Variants in NUDT3 observed in about 807,000 individuals in gnomAD.
NUDT3 encodes the protein nudix hydrolase 3.
Under a neutral mutation model 23.6 loss-of-function variants are expected in NUDT3, and 9 were observed. That is an observed-to-expected ratio of 0.38 (90% CI 0.23 to 0.66). NUDT3 has a LOEUF of 0.66. Ranked by LOEUF, NUDT3 falls within the 30% of genes least tolerant of loss-of-function variation. The probability of loss-of-function intolerance (pLI) is 0.52; values close to 1 mark genes in which losing one functional copy is unlikely to be tolerated. For missense variants in NUDT3, 172 were observed against 218.5 expected (o/e 0.79, Z 1.34); for synonymous variants, 86 against 82.6 (o/e 1.04, Z -0.22).
At chr6:34,330,049 T>A (rs146006561) in intron 2 of NUDT3, among the ~76,000 whole-genome samples, 1 of 152,260 alleles carries the variant, frequency 6.6e-6, no homozygotes, top group Non-Finnish European at 1.5e-5. Context: ...CAGTCTATCA[T>A]TGACGGACAT....
chr6:34,354,906 T>C (rs566461392), intron 1 of NUDT3, among the ~76,000 whole-genome samples: 1 of 151,606 alleles, frequency 6.6e-6, no homozygotes, highest in African/African-American at 2.4e-5. Context: ...TATTTGTTCA[T>C]TTGTTCTAGT....
At chr6:34,302,573 A>C (rs1175510120) in intron 2 of NUDT3, among the ~76,000 whole-genome samples, 2 of 152,126 alleles carry the variant, frequency 1.3e-5, no homozygotes, top group Non-Finnish European at 2.9e-5. Flanking sequence ...CTCTACTAAA[A>C]TACAAAAAAT....
intron 1 of NUDT3, among the ~76,000 whole-genome samples, chr6:34,389,318 T>C (rs1206969128): frequency 6.6e-6 from 1 of 152,254 alleles, no homozygotes; most frequent in Non-Finnish European, 1.5e-5. Flanking sequence ...TCTCTCCTGC[T>C]GCCTTGTGAA....
At chr6:34,292,077 C>T (rs928991564) in intron 4 of NUDT3, among the ~76,000 whole-genome samples, 1 of 152,162 alleles carries the variant, frequency 6.6e-6, no homozygotes, top group African/African-American at 2.4e-5. Flanking sequence ...ATTAGTATCA[C>T]AAGTGTATGA....
intron 2 of NUDT3, among the ~76,000 whole-genome samples, chr6:34,326,121 T>C (rs1041257643): frequency 2.0e-5 from 3 of 150,938 alleles, no homozygotes; most frequent in Non-Finnish European, 4.4e-5. Context: ...AAAAATTAAA[T>C]AATGGAAGTT....
At chr6:34,337,623 T>C (rs1764228935) in intron 2 of NUDT3, among the ~76,000 whole-genome samples, 2 of 152,198 alleles carry the variant, frequency 1.3e-5, no homozygotes, top group African/African-American at 4.8e-5. Context: ...GTTTTCTATA[T>C]CTTAGCTGCA....
intron 1 of NUDT3, 35 bp downstream of exon 1, chr6:34,392,229 C>G (rs1028425265): frequency 1.3e-6 from 2 of 1,520,358 alleles, no homozygotes; most frequent in Admixed American, 3.9e-5. Flanking sequence ...GGCCGGAGAC[C>G]CGGCGACCCC....
At chr6:34,294,486 G>A (rs1763469597) in intron 3 of NUDT3, among the ~76,000 whole-genome samples, 1 of 151,890 alleles carries the variant, frequency 6.6e-6, no homozygotes, top group South Asian at 2.1e-4. Flanking sequence ...CAGCACTATG[G>A]GAGGCCAAGG....
chr6:34,360,693 A>C (rs1311510259), intron 1 of NUDT3, among the ~76,000 whole-genome samples: 1 of 152,248 alleles, frequency 6.6e-6, no homozygotes, highest in Non-Finnish European at 1.5e-5. Context: ...CCACAGACAC[A>C]CATGCAGAAA....
At chr6:34,385,091 T>C (rs1469518058) in intron 1 of NUDT3, among the ~76,000 whole-genome samples, 1 of 149,934 alleles carries the variant, frequency 6.7e-6, no homozygotes, top group Non-Finnish European at 1.5e-5. Context: ...AGCAGATAAA[T>C]ATACATTTAT....
intron 1 of NUDT3, among the ~76,000 whole-genome samples, chr6:34,389,062 G>GT (rs1765153710): frequency 6.6e-6 from 1 of 152,178 alleles, no homozygotes; most frequent in Non-Finnish European, 1.5e-5. Context: ...GAGCCCAGGA[G>GT]TTTGACAATA....
intron 1 of NUDT3, among the ~76,000 whole-genome samples, chr6:34,364,815 C>CCT (rs1764701784): frequency 6.6e-6 from 1 of 151,678 alleles, no homozygotes; most frequent in African/African-American, 2.4e-5. Flanking sequence ...GGGCGGATCA[C>CCT]GAGGTCAGGA....
rs1286951330 is a variant in NUDT3, at chr6:34,287,787, A to C, written c.*966T>G. The C allele has an allele frequency of 6.6e-6, 1 of 152,198 alleles. No homozygotes were observed. The highest frequency in any genetic ancestry group is 2.4e-5 in the African/African-American group (1 of 41,452). The allele number at this position is 152,198 out of a possible 1,614,324, so 9.4% of individuals were successfully genotyped here. A position where few individuals can be genotyped will look rare whatever the true frequency, so the allele number is the denominator to read the frequency against. On this transcript the variant is annotated 3_prime_UTR_variant, in exon 5 of 5. Transcript: ENST00000607016. ...AAATAGCATTACGGAAAAGATTCCA[A>C]ACCAGCAGAACAGAAATGGACCTGA...
rs1371732177 is a variant in NUDT3 at position 34,392,439 on chromosome 6, C to T, written c.-77G>A. ...GGAGCCCGCTCTGGACGGCCGCGTG[C>T]GCGCGCGCCCCCGGCTCGGCCAAGG... is the stretch of plus-strand genomic sequence containing the variant. On this transcript the variant is annotated 5_prime_UTR_variant, in exon 1 of 5. Coordinates refer to ENST00000607016, the MANE Select transcript of NUDT3 (RefSeq NM_006703.4). 7 of 1,092,476 alleles carry T rather than the reference C, an allele frequency of 6.4e-6. No individual in the cohort carries two copies. In the East Asian group the frequency reaches 1.7e-4, roughly 27 times the overall value. The allele number at this position is 1,092,476 out of a possible 1,614,324, so 67.7% of individuals were successfully genotyped here.
rs1765111421 is a variant in NUDT3, at chr6:34,386,622, A to T, written c.99+5642T>A. On this transcript the variant is annotated intron_variant, in intron 1 of 4. Coordinates refer to ENST00000607016, the MANE Select transcript of NUDT3 (RefSeq NM_006703.4). ...AGAATGATAGGTTTGGCTACCCATGATCTATTACCTTCTAATATAGTCATG... is the reference window on the plus strand; with the variant it reads ...AGAATGATAGGTTTGGCTACCCATGTTCTATTACCTTCTAATATAGTCATG... 2.0e-5 allele frequency among the ~76,000 whole-genome samples: 3 copies of T among 152,074 alleles called. No homozygotes were observed. In the South Asian group the frequency reaches 6.2e-4, roughly 32 times the overall value.
chr6:34,352,203 C>T (rs1561915562), intron 1 of NUDT3, among the ~76,000 whole-genome samples: 2 of 152,224 alleles, frequency 1.3e-5, no homozygotes, highest in African/African-American at 2.4e-5. Flanking sequence ...CTCACTCTGT[C>T]GCCCATGCTG....
chr6:34,351,226 A>AAAAAAAAAAAAAAAC (rs1554154786), intron 1 of NUDT3, among the ~76,000 whole-genome samples: 3 of 133,976 alleles, frequency 2.2e-5, no homozygotes, highest in African/African-American at 6.3e-5. Flanking sequence ...AAAAAAAAAA[A>AAAAAAAAAAAAAAAC]CACTTTGGGA....
At chr6:34,295,301 T>C (rs1324327063) in intron 3 of NUDT3, among the ~76,000 whole-genome samples, 1 of 152,008 alleles carries the variant, frequency 6.6e-6, no homozygotes. Flanking sequence ...GGCAGGAGGA[T>C]CGCTTAAACG....
chr6:34,342,160 G>A (rs1196771331), intron 1 of NUDT3, among the ~76,000 whole-genome samples, 188 bp from the exon 2 acceptor site: 1 of 152,004 alleles, frequency 6.6e-6, no homozygotes, highest in Non-Finnish European at 1.5e-5. Context: ...AGTAAAAGCA[G>A]AAGGGCATCT....
Sources: gnomAD v4.1 joint callset for allele counts (sites outside exome capture counted in the v4.1 genomes callset) on GRCh38, gnomAD v4.1.1 for gene constraint, MANE v1.5 for transcripts, NCBI Gene and HGNC (gene_info 2026-07-23, HGNC 2026-07-21) for gene names.